The following DOCK11 variants were observed in gnomAD, a reference collection of about 807,000 sequenced individuals.
DOCK11 encodes the protein dedicator of cytokinesis 11, also known as dedicator of cytokinesis protein 11.
Under a neutral mutation model 169.1 loss-of-function variants are expected in DOCK11, and 70 were observed. The ratio of observed to expected loss-of-function variants is 0.41; its 90% CI spans 0.34 to 0.51. DOCK11 has a LOEUF of 0.51. DOCK11 is among the 20% of genes least tolerant of loss of function. DOCK11 has a pLI of 0.10. For synonymous variants in DOCK11, 529 were observed against 541.3 expected (o/e 0.98, Z 0.32); for missense variants, 1,166 against 1,538.8 (o/e 0.76, Z 4.05).
At chrX:118,560,988 A>G (rs933298549) in intron 6 of DOCK11, among the ~76,000 whole-genome samples, 6 of 111,736 alleles carry the variant, frequency 5.4e-5, no homozygotes, top group African/African-American at 2.0e-4. Flanking sequence ...GTATATGTAT[A>G]TATGTATATA....
At chrX:118,508,500 G>A (rs1354601722) in intron 1 of DOCK11, among the ~76,000 whole-genome samples, 5 of 111,034 alleles carry the variant, frequency 4.5e-5, no homozygotes, top group Admixed American at 2.9e-4. Context: ...ACATTAAATC[G>A]TTTCCTAGAG....
chrX:118,620,866 A>G (rs1397387236), intron 31 of DOCK11, among the ~76,000 whole-genome samples: 1 of 112,144 alleles, frequency 8.9e-6, no homozygotes, highest in Non-Finnish European at 1.9e-5. Flanking sequence ...TACAAAATGA[A>G]CTTCCCCTCT....
intron 44 of DOCK11, among the ~76,000 whole-genome samples, chrX:118,655,883 T>C (rs1569443080): frequency 8.9e-6 from 1 of 112,342 alleles, no homozygotes; most frequent in East Asian, 2.8e-4. Context: ...CAACCATATT[T>C]TGTTTTATTT....
intron 40 of DOCK11, among the ~76,000 whole-genome samples, chrX:118,647,493 TATATA>T (rs1464113977): frequency 1.4e-5 from 1 of 73,274 alleles, no homozygotes; most frequent in African/African-American, 5.6e-5. Flanking sequence ...ATTATATTAT[TATATA>T]ATATATTATA....
Position 118,614,136 on chromosome X carries a change from A to G in DOCK11, c.3097-556A>G, listed in dbSNP as rs138097239. Among the ~76,000 whole-genome samples the G allele has an allele frequency of 4.7e-3, 525 of 111,694 alleles. 4 individuals are homozygous for G. The highest frequency in any genetic ancestry group is 0.016 in the African/African-American group (506 of 30,768). On this transcript the variant is annotated intron_variant, in intron 28 of 52. Transcript: ENST00000276202. ...GGTAGTGAGAGCCTTAACTAGGACA[A>G]TGACAGTGGGCAAATATAAATAACT...
chrX:118,685,656 C>A (rs2147608081), intron 52 of DOCK11, 32 bp from the exon 53 acceptor site: 6 of 1,191,091 alleles, frequency 5.0e-6, no homozygotes, highest in Non-Finnish European at 6.8e-6. Context: ...TATTTTGCTT[C>A]ATGATAATCA....
At chrX:118,560,339 A>G (rs771455523) in intron 6 of DOCK11, among the ~76,000 whole-genome samples, 2 of 111,877 alleles carry the variant, frequency 1.8e-5, no homozygotes, top group African/African-American at 6.5e-5. Context: ...AAAGTTCTCA[A>G]AATGATCAGG....
Position 118,649,100 on chromosome X carries a change from G to A in DOCK11, c.4554G>A (p.Arg1518=). 1 of 1,169,128 alleles carries A rather than the reference G, an allele frequency of 8.6e-7. No individual in the cohort carries two copies. Among genetic ancestry groups the A allele is most frequent in the Non-Finnish European group, 1.1e-6 (1 of 872,238 alleles). ...LMRNNFEYTK[R]KTFLRTHLQI... ...GAAACAACTTTGAGTATACCAAAAG[G>A]AAAACCTTTTTGAGGACACATCTAC... Residue 1518 remains arginine (R), a synonymous_variant, in exon 41 of 53, where the codon AGG becomes AGA. Coordinates refer to ENST00000276202, the MANE Select transcript of DOCK11 (RefSeq NM_144658.4).
intron 31 of DOCK11, among the ~76,000 whole-genome samples, chrX:118,620,403 A>G (rs2014942569): frequency 8.9e-6 from 1 of 111,845 alleles, no homozygotes; most frequent in African/African-American, 3.2e-5. Context: ...TCCTTTTTAA[A>G]CAGAAAATGC....
chrX:118,665,282 C>T (rs1333882957), intron 45 of DOCK11, among the ~76,000 whole-genome samples: 1 of 112,262 alleles, frequency 8.9e-6, no homozygotes, highest in Admixed American at 9.5e-5. Context: ...AACAGAGATG[C>T]AAGATACTTG....
chrX:118,499,399 C>G (rs2057558694), intron 1 of DOCK11, among the ~76,000 whole-genome samples: 1 of 111,218 alleles, frequency 9.0e-6, no homozygotes. Context: ...AGCCCCTGGA[C>G]GCGCCGTAAT....
In DOCK11 at chrX:118,601,903, G is replaced by A. The variant is rs376338225; in HGVS notation, c.2562+2675G>A. On this transcript the variant is annotated intron_variant, in intron 23 of 52. Coordinates refer to ENST00000276202, the MANE Select transcript of DOCK11 (RefSeq NM_144658.4). ...AGTAATTCTCCTGCCTCAGCCTCCCGAGTAGCTGGGACTACAGGCGCCCGC... is the reference window on the plus strand; with the variant it reads ...AGTAATTCTCCTGCCTCAGCCTCCCAAGTAGCTGGGACTACAGGCGCCCGC... Among the ~76,000 whole-genome samples, 20 of 109,050 alleles carry A rather than the reference G, an allele frequency of 1.8e-4. No homozygotes were observed. The East Asian group carries it at 4.3e-3, about 23-fold the overall frequency. The allele number at this position is 109,050 out of a possible 115,157, so 94.7% of individuals were successfully genotyped here.
At chrX:118,672,533 C>T (rs1226837543) in intron 46 of DOCK11, among the ~76,000 whole-genome samples, 2 of 112,931 alleles carry the variant, frequency 1.8e-5, no homozygotes, top group South Asian at 3.6e-4. Flanking sequence ...CCCGGGTTCA[C>T]GCCATTCTCC....
intron 40 of DOCK11, among the ~76,000 whole-genome samples, chrX:118,648,121 A>AT (rs2015824981): frequency 1.3e-5 from 1 of 77,147 alleles, no homozygotes; most frequent in Non-Finnish European, 2.3e-5. Flanking sequence ...TATAAATTGT[A>AT]ATATTATATA....
At chrX:118,542,046 A>G (rs1344696322) in intron 1 of DOCK11, among the ~76,000 whole-genome samples, 1 of 111,996 alleles carries the variant, frequency 8.9e-6, no homozygotes, top group African/African-American at 3.3e-5. Context: ...TTGCCCAGAG[A>G]GTAGTACAGA....
intron 38 of DOCK11, among the ~76,000 whole-genome samples, chrX:118,640,301 AAAGG>A (rs2015497166): frequency 1.8e-5 from 2 of 112,442 alleles, no homozygotes; most frequent in African/African-American, 6.5e-5. Flanking sequence ...AGGTTTCAGA[AAAGG>A]AAGCCAGCAA....
chrX:118,552,768 C>T (rs182381313), intron 6 of DOCK11, among the ~76,000 whole-genome samples: 32 of 112,520 alleles, frequency 2.8e-4, no homozygotes, highest in African/African-American at 9.7e-4. Flanking sequence ...ATCCCAGCAA[C>T]TTAAGAGGCT....
At position 118,499,271 on chromosome X, in the gene DOCK11, C is replaced by A. The variant is rs183284092; in HGVS notation, c.102+3198C>A. Among the ~76,000 whole-genome samples, 165 of 112,172 alleles carry A rather than the reference C, an allele frequency of 1.5e-3. 1 individual carries two copies. Among genetic ancestry groups the A allele is most frequent in the African/African-American group, 5.0e-3 (153 of 30,883 alleles). On this transcript the variant is annotated intron_variant, in intron 1 of 52. Transcript: ENST00000276202. ...TTATGGCCGCCCTTTAGAGAAGCCACTTTATCAGCCTGGAAGAGTCGCCTA... is the reference window on the plus strand; with the variant it reads ...TTATGGCCGCCCTTTAGAGAAGCCAATTTATCAGCCTGGAAGAGTCGCCTA...
At chrX:118,656,687 G>C (rs1444144962) in intron 44 of DOCK11, among the ~76,000 whole-genome samples, 1 of 111,985 alleles carries the variant, frequency 8.9e-6, no homozygotes, top group African/African-American at 3.2e-5. Context: ...AATCTGGCCA[G>C]GCATGGTGGC....
Sources: allele counts gnomAD v4.1 joint callset (sites outside exome capture counted in the v4.1 genomes callset), GRCh38; gene constraint gnomAD v4.1.1; transcripts MANE v1.5; gene names NCBI Gene and HGNC (gene_info 2026-07-23, HGNC 2026-07-21).